CATSPERD: variants seen among roughly 807,000 people sequenced by gnomAD.
The protein encoded by CATSPERD is cation channel sperm-associated auxiliary subunit delta.
CATSPERD carries 86 observed loss-of-function variants against 98.1 expected under a neutral mutation model. The observed-to-expected ratio is 0.88, with a 90% CI of 0.74 to 1.05. The LOEUF is 1.05. Ranked by LOEUF, CATSPERD falls within the 50% of genes least tolerant of loss-of-function variation. The probability of loss-of-function intolerance (pLI) is 0.00; values close to 1 mark genes in which losing one functional copy is unlikely to be tolerated. For missense variants in CATSPERD, 995 were observed against 1,005.7 expected (o/e 0.99, Z 0.14); for synonymous variants, 394 against 390.2 (o/e 1.01, Z -0.12).
intron 11 of CATSPERD, 35 bp from the exon 12 acceptor site, chr19:5,751,612 C>A (rs2145783762): frequency 5.7e-6 from 6 of 1,054,276 alleles, no homozygotes; most frequent in South Asian, 2.2e-5. Flanking sequence ...AAAACAATTA[C>A]AATGATTAGA....
At chr19:5,725,323 T>C (rs2055583867) in intron 2 of CATSPERD, among the ~76,000 whole-genome samples, 1 of 152,086 alleles carries the variant, frequency 6.6e-6, no homozygotes, top group African/African-American at 2.4e-5. Flanking sequence ...AGCTAATTTT[T>C]GTATTTTTGT....
intron 3 of CATSPERD, among the ~76,000 whole-genome samples, chr19:5,729,580 T>A (rs1242710738): frequency 6.6e-6 from 1 of 152,220 alleles, no homozygotes; most frequent in African/African-American, 2.4e-5. Context: ...ACTATTTACG[T>A]TAGTGGAACT....
intron 17 of CATSPERD, among the ~76,000 whole-genome samples, chr19:5,766,752 G>A (rs183006318): frequency 1.4e-4 from 21 of 151,196 alleles, no homozygotes; most frequent in Middle Eastern, 3.4e-3. Flanking sequence ...GAGTGCAGTG[G>A]CACGATCTTG....
intron 5 of CATSPERD, among the ~76,000 whole-genome samples, chr19:5,736,409 G>C (rs551644351): frequency 6.6e-6 from 1 of 152,288 alleles, no homozygotes; most frequent in East Asian, 1.9e-4. Flanking sequence ...TTGAGGCTGA[G>C]AAACCCTGTT....
chr19:5,727,852 C>T (rs2055635071), intron 3 of CATSPERD, among the ~76,000 whole-genome samples: 1 of 151,922 alleles, frequency 6.6e-6, no homozygotes, highest in African/African-American at 2.4e-5. Flanking sequence ...TGTGGGGCTG[C>T]ATGACTCCTG....
chr19:5,768,189 G>T lies in CATSPERD; in HGVS notation c.1581G>T (p.Met527Ile). The change falls in exon 18 of 22, where the codon ATG becomes ATT. Residue 527 changes from methionine to isoleucine, a missense_variant. By Grantham distance (10) the Met-to-Ile change is conservative. Transcript: ENST00000381624. ...VIQNKVSACS[M>I]GILDPLTLQD... ...GCAGCAAAGTTTCCGCCTGTTCCAT[G>T]GGCATCCTGGACCCCTTGACCCTGC... 6.2e-7 allele frequency: 1 copy of T among 1,613,702 alleles called. No homozygotes were observed. The highest frequency in any genetic ancestry group is 2.2e-5 in the East Asian group (1 of 44,866).
At position 5,744,450 on chromosome 19, in the gene CATSPERD, C is replaced by T. The variant is rs748950630; in HGVS notation, c.597C>T (p.Gly199=). The T allele has an allele frequency of 8.7e-6, 14 of 1,611,808 alleles. No homozygotes were observed. The highest frequency in any genetic ancestry group is 1.6e-4 in the Middle Eastern group (1 of 6,064). Residue 199 remains glycine, a synonymous_variant, in exon 8 of 22, where the codon GGC becomes GGT. Coordinates refer to ENST00000381624, the MANE Select transcript of CATSPERD (RefSeq NM_152784.4). ...DRQAEIIGSL[G]GIFHFFSLSQ... Reference sequence around the variant, plus strand: ...AGGCAGAAATCATTGGGTCTTTAGGCGGAATCTTCCACTTTTTTTCTTTGT... The same window carrying T: ...AGGCAGAAATCATTGGGTCTTTAGGTGGAATCTTCCACTTTTTTTCTTTGT...
chr19:5,722,140 A>G (rs1002269097), intron 1 of CATSPERD, among the ~76,000 whole-genome samples: 2 of 151,612 alleles, frequency 1.3e-5, no homozygotes, highest in Non-Finnish European at 2.9e-5. Flanking sequence ...TATTTTTTTG[A>G]GATGGAGTCT....
intron 4 of CATSPERD, among the ~76,000 whole-genome samples, chr19:5,730,322 A>G (rs1181353982): frequency 6.6e-6 from 1 of 151,838 alleles, no homozygotes; most frequent in African/African-American, 2.4e-5. Context: ...AGGCGGGCAG[A>G]TCACAAGGTC....
chr19:5,749,128 G>C lies in CATSPERD; in HGVS notation c.932G>C (p.Arg311Pro), dbSNP rs371150801. 2.5e-6 allele frequency: 4 copies of C among 1,611,830 alleles called. No homozygotes were observed. The South Asian group carries it at 4.4e-5, about 18-fold the overall frequency. Reference protein sequence around the residue: ...VTENELAVITREDNLYYGNLG... With the variant: ...VTENELAVITPEDNLYYGNLG... ...GAAAATGAACTGGCAGTTATAACTC[G>C]GGAGGATAATTTGTATTATGGCAAT... The change falls in exon 11 of 22, where the codon CGG becomes CCG. Residue 311 changes from arginine (R) to proline (P), a missense_variant. By Grantham distance (103) the Arg-to-Pro change is moderately radical. This residue lies in a region of CATSPERD where 762 missense variants were observed against 773.7 expected (regional missense o/e 0.98). Transcript: ENST00000381624.
chr19:5,774,129 G>C lies in CATSPERD; in HGVS notation c.1941+1164G>C, dbSNP rs188015607. Among the ~76,000 whole-genome samples the C allele has an allele frequency of 1.8e-3, 276 of 151,628 alleles. 1 individual carries two copies. The highest frequency in any genetic ancestry group is 6.5e-3 in the African/African-American group (270 of 41,436). ...CTTACAAGCACCTGCCACCACGCCC[G>C]GTTAATTTTTGTATTTTTAGTAGAG... On this transcript the variant is annotated intron_variant, in intron 20 of 21. Transcript: ENST00000381624.
intron 6 of CATSPERD, among the ~76,000 whole-genome samples, chr19:5,738,352 CAAAAAAA>C (rs767298084): frequency 1.9e-5 from 2 of 104,954 alleles, no homozygotes; most frequent in East Asian, 3.5e-4. Context: ...ACTCAAAATA[CAAAAAAA>C]AAAAAAAAAA....
chr19:5,761,736 C>G (rs1231881358), intron 15 of CATSPERD, among the ~76,000 whole-genome samples: 3 of 149,490 alleles, frequency 2.0e-5, no homozygotes, highest in Non-Finnish European at 4.4e-5. Context: ...GAGCTTCGCT[C>G]TTGTTGCCCA....
In CATSPERD at chr19:5,765,205, G is replaced by A. The variant is rs149385159; in HGVS notation, c.1507-898G>A. ...ATTAAAGGCGTGAGCCACTGCGCCTGGCCCATGTTTGTCTTAATACAAAAC... is the reference window on the plus strand; with the variant it reads ...ATTAAAGGCGTGAGCCACTGCGCCTAGCCCATGTTTGTCTTAATACAAAAC... On this transcript the variant is annotated intron_variant, in intron 16 of 21. Coordinates refer to ENST00000381624, the MANE Select transcript of CATSPERD (RefSeq NM_152784.4). 1.4e-4 allele frequency among the ~76,000 whole-genome samples: 22 copies of A among 152,248 alleles called. No homozygotes were observed. The East Asian group carries it at 3.9e-3, about 27-fold the overall frequency.
At chr19:5,726,488 C>T (rs1473240595) in intron 2 of CATSPERD, among the ~76,000 whole-genome samples, 1 of 152,098 alleles carries the variant, frequency 6.6e-6, no homozygotes, top group Non-Finnish European at 1.5e-5. Flanking sequence ...CTCAAGCCAT[C>T]CTTCTGCCTC....
chr19:5,770,914 T>G, intron 18 of CATSPERD, 30 bp from the exon 19 acceptor site: 1 of 1,581,150 alleles, frequency 6.3e-7, no homozygotes, highest in East Asian at 2.2e-5. Context: ...ACTCACAGAC[T>G]CCCCATCTCT....
chr19:5,727,473 A>G, intron 3 of CATSPERD, 129 bp downstream of exon 3: 1 of 678,528 alleles, frequency 1.5e-6, no homozygotes. Flanking sequence ...GCCTGTAGGG[A>G]GTCCATAGTC....
intron 6 of CATSPERD, 54 bp downstream of exon 6, chr19:5,737,259 TAATC>T (rs2055866466): frequency 8.2e-7 from 1 of 1,215,738 alleles, no homozygotes; most frequent in Non-Finnish European, 1.2e-6. Context: ...TGAACACAAA[TAATC>T]ATGAGTAGAC....
chr19:5,769,047 G>A lies in CATSPERD; in HGVS notation c.1634+805G>A, dbSNP rs932323058. ...TGGGCACCTGTAATGCCAGCTACTC[G>A]GGAGGCTGAGGCAGGAGAGTTGCTT... On this transcript the variant is annotated intron_variant, in intron 18 of 21. Transcript: ENST00000381624. Among the ~76,000 whole-genome samples, 8 of 151,816 alleles carry A rather than the reference G, an allele frequency of 5.3e-5. No homozygotes were observed. In the East Asian group the frequency reaches 9.7e-4, roughly 18 times the overall value.
Sources: allele counts gnomAD v4.1 joint callset (sites outside exome capture counted in the v4.1 genomes callset), GRCh38; gene constraint gnomAD v4.1.1; regional missense constraint gnomAD v4.1.1; transcripts MANE v1.5; gene names NCBI Gene and HGNC (gene_info 2026-07-23, HGNC 2026-07-21).